TCF3: variants seen among roughly 807,000 people sequenced by gnomAD.
TCF3 encodes the protein transcription factor E2-alpha.
TCF3 carries 54 observed loss-of-function variants against 72.3 expected under a neutral mutation model. The ratio of observed to expected loss-of-function variants is 0.75; its 90% confidence interval spans 0.60 to 0.94. The LOEUF (loss-of-function observed/expected upper bound fraction) is 0.94, where lower values mean the gene tolerates loss of function less well. TCF3 is among the 40% of genes least tolerant of loss of function. The pLI, the probability that TCF3 is intolerant of heterozygous loss-of-function variation, is 0.00. For missense variants in TCF3, 1,078 were observed against 934.4 expected, an observed-to-expected ratio of 1.15 and a Z score of -2.00; for synonymous variants, 525 against 412.6, an observed-to-expected ratio of 1.27 and a Z score of -3.30.
intron 18 of TCF3, among the ~76,000 whole-genome samples, chr19:1,613,231 C>T (rs1317507316): frequency 1.3e-5 from 2 of 152,146 alleles, no homozygotes; most frequent in Non-Finnish European, 2.9e-5. Flanking sequence ...TGCAGCAGAG[C>T]CCCATGGTGG....
chr19:1,651,420 T>C, intron 1 of TCF3: 1 of 226,404 alleles, frequency 4.4e-6, no homozygotes, highest in Non-Finnish European at 8.8e-6. Context: ...GCTCAGTTTT[T>C]TTCTTTTTTG....
Position 1,611,561 on chromosome 19 carries a change from C to T in TCF3, c.*146G>A, listed in dbSNP as rs1382121026. Reference sequence around the variant, plus strand: ...GTCACCTTGGCCGCCCCCATCACTCCGAACCTTGTCAGGTTGGTGTTGGCT... The same window carrying T: ...GTCACCTTGGCCGCCCCCATCACTCTGAACCTTGTCAGGTTGGTGTTGGCT... On this transcript the variant is annotated 3_prime_UTR_variant, in exon 19 of 19. Transcript: ENST00000262965. The T allele has an allele frequency of 2.0e-5, 24 of 1,222,866 alleles. No homozygotes were observed. Among genetic ancestry groups the T allele is most frequent in the Admixed American group, 6.0e-5 (2 of 33,082 alleles). The allele number at this position is 1,222,866 out of a possible 1,614,324, so 75.8% of individuals were successfully genotyped here. A position where few individuals can be genotyped will look rare whatever the true frequency, so the allele number is the denominator to read the frequency against.
rs187233108 is a variant in TCF3 at position 1,638,697 on chromosome 19, C to A, written c.146-6292G>T. Among the ~76,000 whole-genome samples, 4 of 152,206 alleles carry A rather than the reference C, an allele frequency of 2.6e-5. No homozygotes were observed. In the South Asian group the frequency reaches 6.2e-4, roughly 24 times the overall value. Reference sequence around the variant, plus strand: ...GCGTGTTTAAACGTGTTCTTCACAACGCAGAATACTAACCGCTATTCAATC... The same window carrying A: ...GCGTGTTTAAACGTGTTCTTCACAAAGCAGAATACTAACCGCTATTCAATC... On this transcript the variant is annotated intron_variant, in intron 3 of 18. Coordinates refer to ENST00000262965, the MANE Select transcript of TCF3 (RefSeq NM_003200.5).
At chr19:1,646,524 C>G in intron 2 of TCF3, 97 bp from the exon 3 acceptor site, 1 of 1,140,416 alleles carries the variant, frequency 8.8e-7, no homozygotes, top group Non-Finnish European at 1.3e-6. Context: ...GCTGGGGACA[C>G]CCGGGAACCT....
rs1464296869 is a variant in TCF3 at position 1,621,169 on chromosome 19, G to C, written c.978C>G (p.Gly326=). The C allele has an allele frequency of 4.8e-5, 74 of 1,538,166 alleles. No homozygotes were observed. Among genetic ancestry groups the C allele is most frequent in the Non-Finnish European group, 6.5e-5 (74 of 1,146,072 alleles). The change falls in exon 12 of 19, where the codon GGC becomes GGG. Residue 326 remains glycine (G), a synonymous_variant. Transcript: ENST00000262965. ...SLLGSRGTTA[G]SSGDALGKAL... is the part of the protein sequence containing the mutation. ...CTTTGCCGAGGGCATCCCCGGAGCTGCCAGCTGTGGTCCCTCGGGAGCCTG... is the reference window on the plus strand; with the variant it reads ...CTTTGCCGAGGGCATCCCCGGAGCTCCCAGCTGTGGTCCCTCGGGAGCCTG...
chr19:1,634,340 T>G (rs1284886950), intron 3 of TCF3, among the ~76,000 whole-genome samples: 1 of 152,236 alleles, frequency 6.6e-6, no homozygotes, highest in Non-Finnish European at 1.5e-5. Flanking sequence ...TGGTTTTCTG[T>G]GATTTCTTTG....
chr19:1,641,927 C>T (rs1364215764), intron 3 of TCF3, among the ~76,000 whole-genome samples: 5 of 151,724 alleles, frequency 3.3e-5, no homozygotes, highest in Admixed American at 6.6e-5. Context: ...ATTAGGTGGT[C>T]GCAGCTGCTC....
intron 5 of TCF3, among the ~76,000 whole-genome samples, chr19:1,629,295 G>A (rs542457200): frequency 6.6e-6 from 1 of 151,456 alleles, no homozygotes; most frequent in Non-Finnish European, 1.5e-5. Flanking sequence ...GAGCCCCGGG[G>A]CCTGTGCACA....
Position 1,621,979 on chromosome 19 carries a change from T to A in TCF3, c.823-9A>T, listed in dbSNP as rs753407067. ...CCATGCAGCTGGTAGCCCTGGGGGGTCAGGCAGGAGGAGGGTGGGTTAGAT... is the reference window on the plus strand; with the variant it reads ...CCATGCAGCTGGTAGCCCTGGGGGGACAGGCAGGAGGAGGGTGGGTTAGAT... On this transcript the variant is annotated splice_polypyrimidine_tract_variant and intron_variant, in intron 10 of 18. Transcript: ENST00000262965. 1 of 1,602,646 alleles carries A rather than the reference T, an allele frequency of 6.2e-7. No individual in the cohort carries two copies. Among genetic ancestry groups the A allele is most frequent in the Admixed American group, 1.7e-5 (1 of 58,956 alleles).
chr19:1,637,874 A>C (rs1599923254), intron 3 of TCF3, among the ~76,000 whole-genome samples: 1 of 152,030 alleles, frequency 6.6e-6, no homozygotes. Context: ...GTGCCACTGC[A>C]CTCCAGCCTG....
chr19:1,627,396 G>A lies in TCF3; in HGVS notation c.329C>T (p.Ser110Phe). The A allele has an allele frequency of 1.2e-6, 2 of 1,612,098 alleles. No homozygotes were observed. Among genetic ancestry groups the A allele is most frequent in the Non-Finnish European group, 1.7e-6 (2 of 1,179,754 alleles). Residue 110 changes from serine to phenylalanine, a missense_variant, in exon 6 of 19, where the codon TCC becomes TTC. Coordinates refer to ENST00000262965, the MANE Select transcript of TCF3 (RefSeq NM_003200.5). The part of the protein sequence containing the change: ...GKSGERGAYA[S>F]FGRDAGVGGL... ...GCCCACGCCTGCGTCTCTCCCGAAG[G>A]AGGCATAGGCGCCCCGCTCACCGCT...
chr19:1,624,801 A>T (rs2062684646), intron 7 of TCF3, among the ~76,000 whole-genome samples: 1 of 152,228 alleles, frequency 6.6e-6, no homozygotes, highest in African/African-American at 2.4e-5. Context: ...TCCTTGGTCT[A>T]TTCAGAGCCA....
intron 5 of TCF3, 51 bp downstream of exon 5, chr19:1,631,987 C>T (rs113894032): frequency 9.4e-6 from 15 of 1,593,258 alleles, no homozygotes; most frequent in Middle Eastern, 1.7e-4. Context: ...CCAAGGCCCA[C>T]GTCTGCACAT....
intron 6 of TCF3, among the ~76,000 whole-genome samples, chr19:1,626,715 G>C (rs2062928899): frequency 6.6e-6 from 1 of 152,240 alleles, no homozygotes; most frequent in Non-Finnish European, 1.5e-5. Context: ...TGCGGGGACT[G>C]ATAGGGAAAC....
chr19:1,625,551 G>A (rs759839335), intron 7 of TCF3, 25 bp downstream of exon 7: 44 of 1,545,366 alleles, frequency 2.8e-5, no homozygotes, highest in African/African-American at 1.3e-4. Flanking sequence ...AGAAGCCCCC[G>A]ATGCCCCGGC....
At chr19:1,645,614 C>T (rs1475850528) in intron 3 of TCF3, among the ~76,000 whole-genome samples, 1 of 152,240 alleles carries the variant, frequency 6.6e-6, no homozygotes, top group Non-Finnish European at 1.5e-5. Context: ...TCTGCGGAGA[C>T]CTTCACTAGA....
intron 5 of TCF3, among the ~76,000 whole-genome samples, chr19:1,629,749 C>T (rs1420097508): frequency 2.0e-5 from 3 of 152,134 alleles, no homozygotes; most frequent in Non-Finnish European, 2.9e-5. Flanking sequence ...GGCTGGGACG[C>T]GCGATCGAGT....
intron 2 of TCF3, among the ~76,000 whole-genome samples, chr19:1,647,137 AG>A (rs1298730180): frequency 1.3e-5 from 2 of 152,164 alleles, no homozygotes; most frequent in African/African-American, 2.4e-5. Flanking sequence ...CCTGGGTGCT[AG>A]GGGTGTGGGA....
At chr19:1,628,632 C>CAG (rs1555745966) in intron 5 of TCF3, among the ~76,000 whole-genome samples, 1 of 1,366 alleles carries the variant, frequency 7.3e-4, no homozygotes, top group Non-Finnish European at 1.1e-3. Context: ...GCAGAACTCA[C>CAG]GGGGTGAGGC....
Sources: allele counts gnomAD v4.1 joint callset (sites outside exome capture counted in the v4.1 genomes callset), GRCh38; gene constraint gnomAD v4.1.1; transcripts MANE v1.5; gene names NCBI Gene and HGNC (gene_info 2026-07-23, HGNC 2026-07-21).